The following NRXN1 variants were observed in gnomAD, a reference collection of about 807,000 sequenced individuals.
NRXN1 encodes neurexin-1.
Under a neutral mutation model 150.9 loss-of-function variants are expected in NRXN1, and 39 were observed. That is an observed-to-expected ratio of 0.26 (90% confidence interval 0.20 to 0.34). NRXN1 has a LOEUF of 0.34. NRXN1 is among the 10% of genes least tolerant of loss of function. The pLI, the probability that NRXN1 is intolerant of heterozygous loss-of-function variation, is 1.00. For synonymous variants in NRXN1, 924 were observed against 757.0 expected, an observed-to-expected ratio of 1.22 and a Z score of -3.62; for missense variants, 1,815 against 1,949.9, an observed-to-expected ratio of 0.93 and a Z score of 1.30.
intron 2 of NRXN1, among the ~76,000 whole-genome samples, chr2:51,021,616 A>G (rs1438447384): frequency 2.0e-5 from 3 of 152,014 alleles, no homozygotes; most frequent in Non-Finnish European, 4.4e-5. Context: ...CTAAAATAAC[A>G]GCTTGCTTGA....
chr2:49,966,137 G>A (rs1676923675), intron 21 of NRXN1, among the ~76,000 whole-genome samples: 1 of 152,138 alleles, frequency 6.6e-6, no homozygotes, highest in African/African-American at 2.4e-5. Context: ...AATTAGCAAA[G>A]CTAGAAGTTT....
chr2:50,935,168 A>G (rs1316390946), intron 2 of NRXN1, among the ~76,000 whole-genome samples: 1 of 152,186 alleles, frequency 6.6e-6, no homozygotes, highest in African/African-American at 2.4e-5. Flanking sequence ...ATCTTATATA[A>G]TGTATTCTCT....
At chr2:50,660,616 A>T (rs912528631) in intron 5 of NRXN1, among the ~76,000 whole-genome samples, 6 of 152,036 alleles carry the variant, frequency 3.9e-5, no homozygotes, top group Admixed American at 2.6e-4. Flanking sequence ...TGTAGCTTGC[A>T]GTTAGAACAG....
chr2:50,107,333 T>G (rs1314555608), intron 18 of NRXN1, among the ~76,000 whole-genome samples: 9 of 151,290 alleles, frequency 5.9e-5, no homozygotes, highest in Non-Finnish European at 1.3e-4. Flanking sequence ...GACACCATAT[T>G]GCCTCTCAGA....
intron 2 of NRXN1, among the ~76,000 whole-genome samples, chr2:50,972,259 G>A (rs1695122764): frequency 1.3e-5 from 2 of 152,024 alleles, no homozygotes; most frequent in African/African-American, 4.8e-5. Context: ...AAATAATAAA[G>A]AGGCCATGAA....
chr2:50,889,774 AT>A (rs1319374752), intron 5 of NRXN1, among the ~76,000 whole-genome samples: 1 of 151,694 alleles, frequency 6.6e-6, no homozygotes, highest in East Asian at 1.9e-4. Flanking sequence ...TACTAATAAA[AT>A]GTTATAAAAC....
chr2:50,384,199 A>T lies in NRXN1; in HGVS notation c.3364+81243T>A, dbSNP rs1572768433. On this transcript the variant is annotated intron_variant, in intron 17 of 22. Transcript: ENST00000401669. ...CTATCTATTGACACAAAGTAAAATT[A>T]TGATGGCTTTAAACAATGCATTCTC... is the stretch of plus-strand genomic sequence containing the variant. Among the ~76,000 whole-genome samples, 3 of 152,312 alleles carry T rather than the reference A, an allele frequency of 2.0e-5. No individual in the cohort carries two copies. The South Asian group carries it at 6.2e-4, about 32-fold the overall frequency.
At chr2:50,689,210 A>C (rs1272841423) in intron 5 of NRXN1, among the ~76,000 whole-genome samples, 1 of 152,178 alleles carries the variant, frequency 6.6e-6, no homozygotes, top group African/African-American at 2.4e-5. Flanking sequence ...AGACACAAGA[A>C]AACTGTACAG....
intron 6 of NRXN1, among the ~76,000 whole-genome samples, chr2:50,622,181 C>A (rs1680145846): frequency 6.6e-6 from 1 of 152,136 alleles, no homozygotes; most frequent in Non-Finnish European, 1.5e-5. Context: ...AATGAGGGAT[C>A]TGGAAGGTCT....
intron 5 of NRXN1, chr2:50,656,473 G>C (rs1186521654): frequency 5.5e-6 from 4 of 726,444 alleles, no homozygotes; most frequent in Non-Finnish European, 1.0e-5. Flanking sequence ...TTTTTGCTCT[G>C]TTTAAACATT....
intron 5 of NRXN1, among the ~76,000 whole-genome samples, chr2:50,870,828 T>A (rs1047711248): frequency 2.6e-5 from 4 of 151,860 alleles, no homozygotes; most frequent in Admixed American, 2.6e-4. Context: ...GCATATACAA[T>A]TTATCATCAA....
At chr2:50,696,966 C>A (rs1467676558) in intron 5 of NRXN1, among the ~76,000 whole-genome samples, 1 of 152,056 alleles carries the variant, frequency 6.6e-6, no homozygotes, top group East Asian at 1.9e-4. Flanking sequence ...ACTTTTGTTT[C>A]CAAATTGTTG....
intron 5 of NRXN1, among the ~76,000 whole-genome samples, chr2:50,800,611 G>A (rs567140841): frequency 8.5e-5 from 13 of 152,090 alleles, no homozygotes; most frequent in South Asian, 6.2e-4. Context: ...GCACAATGGC[G>A]CGATCTCGGC....
At chr2:50,440,605 G>A (rs970785585) in intron 17 of NRXN1, among the ~76,000 whole-genome samples, 1 of 152,076 alleles carries the variant, frequency 6.6e-6, no homozygotes, top group African/African-American at 2.4e-5. Flanking sequence ...AAGGTGGCAA[G>A]AAAAGGTCTC....
intron 2 of NRXN1, among the ~76,000 whole-genome samples, chr2:50,953,090 G>A (rs1373767476): frequency 6.6e-6 from 1 of 152,192 alleles, no homozygotes; most frequent in African/African-American, 2.4e-5. Context: ...GGAGATTTAA[G>A]AAGTAGACTC....
chr2:50,125,747 G>A (rs1704494476), intron 18 of NRXN1, among the ~76,000 whole-genome samples: 1 of 151,996 alleles, frequency 6.6e-6, no homozygotes, highest in South Asian at 2.1e-4. Context: ...GAAAATTAAG[G>A]AAAAGAAAAT....
At chr2:50,887,609 T>C (rs1680450370) in intron 5 of NRXN1, among the ~76,000 whole-genome samples, 1 of 151,464 alleles carries the variant, frequency 6.6e-6, no homozygotes, top group Non-Finnish European at 1.5e-5. Context: ...TTTTAATGTC[T>C]ATGAGTCAAA....
At chr2:50,394,636 T>G (rs1055190512) in intron 17 of NRXN1, among the ~76,000 whole-genome samples, 1 of 149,052 alleles carries the variant, frequency 6.7e-6, no homozygotes, top group Non-Finnish European at 1.5e-5. Flanking sequence ...CCTAATACGG[T>G]TTTTTTTCCT....
intron 17 of NRXN1, among the ~76,000 whole-genome samples, chr2:50,423,211 T>C (rs764780180): frequency 1.3e-5 from 2 of 152,174 alleles, no homozygotes; most frequent in South Asian, 2.1e-4. Context: ...CTGTGGTTCT[T>C]TCATCTGATT....
Sources: gnomAD v4.1 joint callset for allele counts (sites outside exome capture counted in the v4.1 genomes callset) on GRCh38, gnomAD v4.1.1 for gene constraint, MANE v1.5 for transcripts, NCBI Gene and HGNC (gene_info 2026-07-23, HGNC 2026-07-21) for gene names.